The following PDPR variants were observed in gnomAD, a reference collection of about 807,000 sequenced individuals.
PDPR encodes pyruvate dehydrogenase phosphatase regulatory subunit, also known as pyruvate dehydrogenase phosphatase regulatory subunit, mitochondrial.
PDPR carries 50 observed loss-of-function variants against 102.2 expected under a neutral mutation model. That is an observed-to-expected ratio of 0.49 (90% confidence interval 0.39 to 0.62). The LOEUF (loss-of-function observed/expected upper bound fraction) is 0.62, where lower values mean the gene tolerates loss of function less well. Ranked by LOEUF, PDPR falls within the 20% of genes least tolerant of loss-of-function variation. The pLI is 0.00. For synonymous variants in PDPR, 259 were observed against 406.0 expected, an observed-to-expected ratio of 0.64 and a Z score of 4.35; for missense variants, 625 against 1,098.2, an observed-to-expected ratio of 0.57 and a Z score of 6.09.
chr16:70,136,814 G>A (rs568691553), intron 10 of PDPR, among the ~76,000 whole-genome samples: 3 of 152,170 alleles, frequency 2.0e-5, no homozygotes, highest in African/African-American at 7.2e-5. Flanking sequence ...ATGATCTCAG[G>A]TCACTGCAAC....
intron 13 of PDPR, 45 bp from the exon 14 acceptor site, chr16:70,143,465 G>T (rs1965935828): frequency 6.2e-7 from 1 of 1,603,850 alleles, no homozygotes; most frequent in East Asian, 2.2e-5. Flanking sequence ...GCCCAGCCAG[G>T]TGCTCTCACG....
At chr16:70,139,811 C>T (rs1327238813) in intron 11 of PDPR, among the ~76,000 whole-genome samples, 1 of 152,242 alleles carries the variant, frequency 6.6e-6, no homozygotes, top group East Asian at 1.9e-4. Flanking sequence ...TTTGGGCATA[C>T]TTATGCTCAG....
At chr16:70,124,938 G>A (rs1218866581) in intron 3 of PDPR, among the ~76,000 whole-genome samples, 1 of 152,270 alleles carries the variant, frequency 6.6e-6, no homozygotes, top group African/African-American at 2.4e-5. Flanking sequence ...TGACATATGG[G>A]TCCCTTGCAA....
At chr16:70,154,475 T>C (rs2152120776) in intron 18 of PDPR, among the ~76,000 whole-genome samples, 1 of 152,400 alleles carries the variant, frequency 6.6e-6, no homozygotes, top group African/African-American at 2.4e-5. Flanking sequence ...GAATTACAAT[T>C]GAAAAACAAA....
In PDPR at chr16:70,142,691, G is replaced by C. The variant is rs565771888; in HGVS notation, c.1605+5G>C. 2 of 1,614,054 alleles carry C rather than the reference G, an allele frequency of 1.2e-6. No homozygotes were observed. Among genetic ancestry groups the C allele is most frequent in the Non-Finnish European group, 1.7e-6 (2 of 1,179,898 alleles). ...TTCACAAAGTTTGAGATAACAGTAAGTATTTGGGAACCAAAAAGTAATAGA... is the reference window on the plus strand; with the variant it reads ...TTCACAAAGTTTGAGATAACAGTAACTATTTGGGAACCAAAAAGTAATAGA... On this transcript the variant is annotated splice_donor_5th_base_variant and intron_variant, in intron 13 of 18. Coordinates refer to ENST00000288050, the MANE Select transcript of PDPR (RefSeq NM_017990.5).
At position 70,156,489 on chromosome 16, in the gene PDPR, T is replaced by C; in HGVS notation, c.2250T>C (p.Ile750=). The C allele has an allele frequency of 6.2e-7, 1 of 1,613,680 alleles. No individual in the cohort carries two copies. Among genetic ancestry groups the C allele is most frequent in the Non-Finnish European group, 8.5e-7 (1 of 1,179,594 alleles). The change falls in exon 19 of 19, where the codon ATT becomes ATC. Residue 750 remains isoleucine (I), a synonymous_variant. Transcript: ENST00000288050. The part of the protein sequence containing the change: ...RVKLEKGMDF[I]GRDALLQQKQ... ...TTCTTTCTTAGGGCATGGATTTCATTGGTCGCGACGCCCTCCTGCAGCAGA... is the reference window on the plus strand; with the variant it reads ...TTCTTTCTTAGGGCATGGATTTCATCGGTCGCGACGCCCTCCTGCAGCAGA...
intron 17 of PDPR, among the ~76,000 whole-genome samples, chr16:70,150,078 C>T (rs192165612): frequency 4.3e-4 from 65 of 151,446 alleles, no homozygotes; most frequent in Admixed American, 2.4e-3. Flanking sequence ...CGTGAGCCAC[C>T]GCACCCGGCC....
At chr16:70,137,720 CT>C (rs1258978985) in intron 10 of PDPR, among the ~76,000 whole-genome samples, 1 of 152,248 alleles carries the variant, frequency 6.6e-6, no homozygotes, top group African/African-American at 2.4e-5. Context: ...TGTAGAATGG[CT>C]CTGAAAACAG....
chr16:70,118,805 G>A (rs1316853165), intron 2 of PDPR, among the ~76,000 whole-genome samples: 3 of 152,154 alleles, frequency 2.0e-5, no homozygotes, highest in African/African-American at 7.2e-5. Context: ...GAGAGGCATG[G>A]TGGCAACCAC....
chr16:70,119,270 T>G (rs1962970792), intron 2 of PDPR, among the ~76,000 whole-genome samples: 1 of 152,032 alleles, frequency 6.6e-6, no homozygotes, highest in Non-Finnish European at 1.5e-5. Flanking sequence ...ACTCTGTTTT[T>G]CTTATAATTC....
At position 70,130,450 on chromosome 16, in the gene PDPR, T is replaced by C. The variant is rs750567514; in HGVS notation, c.635T>C (p.Val212Ala). ...NGVQIYDRTS[V>A]LHVMVKKGQV... ...GTTCAGATCTATGACCGGACATCTG[T>C]TCTTCATGTAATGGTCAAAAAAGGT... is the stretch of plus-strand genomic sequence containing the variant. Residue 212 changes from valine to alanine, a missense_variant, in exon 7 of 19, where the codon GTT becomes GCT. Transcript: ENST00000288050. 17 of 1,613,794 alleles carry C rather than the reference T, an allele frequency of 1.1e-5. No individual in the cohort carries two copies. Among genetic ancestry groups the C allele is most frequent in the Non-Finnish European group, 1.4e-5 (16 of 1,179,770 alleles).
chr16:70,145,977 T>C (rs1597366499), intron 15 of PDPR, 157 bp from the exon 16 acceptor site: 10 of 649,960 alleles, frequency 1.5e-5, no homozygotes, highest in South Asian at 1.5e-4. Context: ...AGAATCGGGG[T>C]GCTTAGCATC....
In PDPR at chr16:70,133,267, G is replaced by A. The variant is rs377278710; in HGVS notation, c.997+967G>A. Among the ~76,000 whole-genome samples the A allele has an allele frequency of 8.7e-4, 131 of 151,118 alleles. 3 individuals are homozygous for A. The East Asian group carries it at 0.015, about 17-fold the overall frequency. ...GTAGGTGGTAGGTGGGATTACAAGCGCCTGCCACCACTCCCGACTAATTTT... is the reference window on the plus strand; with the variant it reads ...GTAGGTGGTAGGTGGGATTACAAGCACCTGCCACCACTCCCGACTAATTTT... On this transcript the variant is annotated intron_variant, in intron 9 of 18. Coordinates refer to ENST00000288050, the MANE Select transcript of PDPR (RefSeq NM_017990.5).
chr16:70,120,727 T>C lies in PDPR; in HGVS notation c.227+8T>C. 1 of 1,576,252 alleles carries C rather than the reference T, an allele frequency of 6.3e-7. No homozygotes were observed. Among genetic ancestry groups the C allele is most frequent in the Non-Finnish European group, 8.7e-7 (1 of 1,145,506 alleles). On this transcript the variant is annotated splice_region_variant and intron_variant, in intron 3 of 18. Coordinates refer to ENST00000288050, the MANE Select transcript of PDPR (RefSeq NM_017990.5). ...CCTTTTGGAGCAGGGCAGGTAAGGA[T>C]CAGACTGCATTTGGCTCATGGCTGT...
chr16:70,154,398 C>A (rs1966885957), intron 18 of PDPR, among the ~76,000 whole-genome samples: 1 of 152,270 alleles, frequency 6.6e-6, no homozygotes, highest in South Asian at 2.1e-4. Flanking sequence ...AATCCTAGCA[C>A]TTTGGGAGGC....
chr16:70,146,652 C>T (rs1183755174), intron 16 of PDPR, among the ~76,000 whole-genome samples: 1 of 86,870 alleles, frequency 1.2e-5, no homozygotes, highest in Non-Finnish European at 2.3e-5. Context: ...TGCAGTGGCT[C>T]ACGCCTATAA....
chr16:70,127,827 G>T (rs1281741554), intron 4 of PDPR, among the ~76,000 whole-genome samples: 1 of 152,278 alleles, frequency 6.6e-6, no homozygotes, highest in African/African-American at 2.4e-5. Flanking sequence ...CTTGGAGCTT[G>T]TTGGGAGGAG....
At position 70,147,013 on chromosome 16, in the gene PDPR, C is replaced by T. The variant is rs1425325727; in HGVS notation, c.1962+785C>T. On this transcript the variant is annotated intron_variant, in intron 16 of 18. Transcript: ENST00000288050. ...GCAATGGTGCGATCTCGGCTCACTG[C>T]AACCTCCACTTCCCGGGTTCAGGCG... Among the ~76,000 whole-genome samples, 9 of 57,238 alleles carry T rather than the reference C, an allele frequency of 1.6e-4. No homozygotes were observed. The South Asian group carries it at 5.0e-3, about 32-fold the overall frequency. The allele number at this position is 57,238 out of a possible 152,430, so 37.6% of individuals were successfully genotyped here.
At chr16:70,151,969 C>T (rs373690415) in intron 17 of PDPR, among the ~76,000 whole-genome samples, 7 of 152,406 alleles carry the variant, frequency 4.6e-5, no homozygotes, top group African/African-American at 1.7e-4. Flanking sequence ...CAGCATTAGT[C>T]ACGTAGTTGG....
Sources: gnomAD v4.1 joint callset for allele counts (sites outside exome capture counted in the v4.1 genomes callset) on GRCh38, gnomAD v4.1.1 for gene constraint, MANE v1.5 for transcripts, NCBI Gene and HGNC (gene_info 2026-07-23, HGNC 2026-07-21) for gene names.